Variants in ACVR1C observed in about 807,000 individuals in gnomAD.
The protein encoded by ACVR1C is activin A receptor type 1C, also known as activin receptor type-1C.
Under a neutral mutation model 57.9 loss-of-function variants are expected in ACVR1C, and 23 were observed. That is an observed-to-expected ratio of 0.40 (90% CI 0.29 to 0.56). The LOEUF (loss-of-function observed/expected upper bound fraction) is 0.56, where lower values mean the gene tolerates loss of function less well. Ranked by LOEUF, ACVR1C falls within the 20% of genes least tolerant of loss-of-function variation. The probability of loss-of-function intolerance (pLI) is 0.50; values close to 1 mark genes in which losing one functional copy is unlikely to be tolerated. For missense variants in ACVR1C, 480 were observed against 607.9 expected (o/e 0.79, Z 2.21); for synonymous variants, 214 against 215.3 (o/e 0.99, Z 0.05).
intron 1 of ACVR1C, among the ~76,000 whole-genome samples, chr2:157,620,037 C>T (rs372732334): frequency 1.9e-4 from 29 of 152,118 alleles, no homozygotes; most frequent in African/African-American, 7.0e-4. Context: ...TGATTTGGCA[C>T]AATAACTCTC....
chr2:157,537,691 CA>C (rs891201574), intron 8 of ACVR1C, among the ~76,000 whole-genome samples: 3 of 151,092 alleles, frequency 2.0e-5, no homozygotes, highest in African/African-American at 4.9e-5. Context: ...TAAAATATGG[CA>C]AAAAAAATAG....
At chr2:157,620,735 C>A (rs1224468008) in intron 1 of ACVR1C, among the ~76,000 whole-genome samples, 1 of 152,082 alleles carries the variant, frequency 6.6e-6, no homozygotes, top group South Asian at 2.1e-4. Context: ...AAACATTTAT[C>A]ATTTCTTTAT....
intron 1 of ACVR1C, among the ~76,000 whole-genome samples, chr2:157,628,143 G>A (rs1231268225): frequency 6.6e-6 from 1 of 152,020 alleles, no homozygotes; most frequent in Non-Finnish European, 1.5e-5. Context: ...CACCATCCTT[G>A]AGCAGCTCTC....
intron 1 of ACVR1C, among the ~76,000 whole-genome samples, chr2:157,622,302 G>A (rs2105159628): frequency 6.6e-6 from 1 of 152,110 alleles, no homozygotes; most frequent in South Asian, 2.1e-4. Context: ...ACCCAGAATA[G>A]CCAAAGCTAT....
At chr2:157,545,240 T>C (rs989363881) in intron 4 of ACVR1C, among the ~76,000 whole-genome samples, 1 of 152,230 alleles carries the variant, frequency 6.6e-6, no homozygotes, top group South Asian at 2.1e-4. Flanking sequence ...CTAAAACTTT[T>C]CTACATATTA....
intron 1 of ACVR1C, among the ~76,000 whole-genome samples, chr2:157,620,023 A>T (rs552524660): frequency 6.6e-6 from 1 of 152,210 alleles, no homozygotes; most frequent in African/African-American, 2.4e-5. Context: ...GGGGAACATC[A>T]TCTTGATTTG....
intron 2 of ACVR1C, among the ~76,000 whole-genome samples, chr2:157,559,485 G>A (rs1418912422): frequency 1.3e-5 from 2 of 152,056 alleles, no homozygotes; most frequent in East Asian, 1.9e-4. Flanking sequence ...CTAAGAATAC[G>A]TTTCAATAAT....
At chr2:157,554,676 A>G (rs1234392592) in intron 3 of ACVR1C, among the ~76,000 whole-genome samples, 1 of 152,184 alleles carries the variant, frequency 6.6e-6, no homozygotes, top group Non-Finnish European at 1.5e-5. Context: ...AAGCAGCTTC[A>G]TGCTAAATAT....
At chr2:157,590,374 C>T (rs576588875) in intron 1 of ACVR1C, among the ~76,000 whole-genome samples, 5 of 151,636 alleles carry the variant, frequency 3.3e-5, no homozygotes, top group African/African-American at 1.2e-4. Flanking sequence ...CTTCAAATAC[C>T]GATATGGGAG....
At chr2:157,535,261 C>CT (rs1160240871) in intron 8 of ACVR1C, among the ~76,000 whole-genome samples, 1 of 151,620 alleles carries the variant, frequency 6.6e-6, no homozygotes, top group Non-Finnish European at 1.5e-5. Context: ...AGTCTTGGCT[C>CT]TTGGTGAAGG....
intron 1 of ACVR1C, among the ~76,000 whole-genome samples, chr2:157,592,777 TTTGTCTCTTTCAAAAAAAACTGA>T (rs1689075858): frequency 6.6e-6 from 1 of 152,132 alleles, no homozygotes; most frequent in Non-Finnish European, 1.5e-5. Context: ...GATTTCATAT[TTTGTCTCTTTCAAAAAAAACTGA>T]TGTTCATTGA....
chr2:157,586,458 A>C (rs976367374), intron 2 of ACVR1C, among the ~76,000 whole-genome samples: 1 of 152,134 alleles, frequency 6.6e-6, no homozygotes, highest in African/African-American at 2.4e-5. Context: ...TATATTAAAA[A>C]TCTTAAAGAA....
At chr2:157,556,454 G>A (rs757773721) in intron 2 of ACVR1C, 122 bp from the exon 3 acceptor site, 2 of 1,282,938 alleles carry the variant, frequency 1.6e-6, no homozygotes, top group Non-Finnish European at 1.1e-6. Context: ...ATGCACTTAT[G>A]TTCATTGGTA....
chr2:157,582,123 G>T (rs1042782319), intron 2 of ACVR1C, among the ~76,000 whole-genome samples: 1 of 152,084 alleles, frequency 6.6e-6, no homozygotes, highest in Non-Finnish European at 1.5e-5. Flanking sequence ...TTTAAGATAC[G>T]CCTGTGCAAC....
chr2:157,562,393 T>C (rs1192890406), intron 2 of ACVR1C, among the ~76,000 whole-genome samples: 7 of 145,110 alleles, frequency 4.8e-5, no homozygotes, highest in African/African-American at 1.5e-4. Flanking sequence ...AGGAAGAAGC[T>C]GAATCCCTGA....
At chr2:157,559,977 G>A (rs1464677011) in intron 2 of ACVR1C, among the ~76,000 whole-genome samples, 1 of 151,898 alleles carries the variant, frequency 6.6e-6, no homozygotes, top group East Asian at 1.9e-4. Context: ...GGAAGAAAAG[G>A]AGGGAGGGAG....
Position 157,570,709 on chromosome 2 carries a change from A to C in ACVR1C, c.305-14377T>G, listed in dbSNP as rs1464755369. Among the ~76,000 whole-genome samples the C allele has an allele frequency of 1.2e-4, 8 of 67,614 alleles. 1 individual carries two copies. Among genetic ancestry groups the C allele is most frequent in the Admixed American group, 6.2e-4 (4 of 6,442 alleles). 44.4% of individuals were successfully genotyped at this position (67,614 alleles called of 152,430 possible). A position where few individuals can be genotyped will look rare whatever the true frequency, so the allele number is the denominator to read the frequency against. ...ACTACAAACCACTGCTCAAGGAAAT[A>C]AAAGAGGACACAAACAAATGGAAGA... On this transcript the variant is annotated intron_variant, in intron 2 of 8. Transcript: ENST00000243349.
chr2:157,623,697 G>A (rs1192311995), intron 1 of ACVR1C, among the ~76,000 whole-genome samples: 1 of 151,922 alleles, frequency 6.6e-6, no homozygotes, highest in Non-Finnish European at 1.5e-5. Flanking sequence ...AGCACAATAG[G>A]GTGACTATAG....
In ACVR1C at chr2:157,587,340, T is replaced by G; in HGVS notation, c.151A>C (p.Met51Leu). The G allele has an allele frequency of 6.2e-7, 1 of 1,613,708 alleles. No homozygotes were observed. The highest frequency in any genetic ancestry group is 1.1e-5 in the South Asian group (1 of 91,082). The change falls in exon 2 of 9, where the codon ATG becomes CTG. Residue 51 changes from methionine (M) to leucine (L), a missense_variant. Physicochemically the swap from Met to Leu is conservative, Grantham distance 15 (BLOSUM62 2). Coordinates refer to ENST00000243349, the MANE Select transcript of ACVR1C (RefSeq NM_145259.3). ...ACCTGCTCTTTTCCATTGGTTAGCA[T>G]GACTGATGCCCAACATGCTCCTTCT... ...QTEGACWASV[M>L]LTNGKEQVIK...
Sources: gnomAD v4.1 joint callset for allele counts (sites outside exome capture counted in the v4.1 genomes callset) on GRCh38, gnomAD v4.1.1 for gene constraint, MANE v1.5 for transcripts, NCBI Gene and HGNC (gene_info 2026-07-23, HGNC 2026-07-21) for gene names.